Variants in NEK4 observed in about 807,000 individuals in gnomAD.
NEK4 encodes the protein serine/threonine-protein kinase Nek4.
Under a neutral mutation model 98.4 loss-of-function variants are expected in NEK4, and 86 were observed. The observed-to-expected ratio is 0.87, with a 90% confidence interval of 0.73 to 1.05. The LOEUF is 1.05. Ranked by LOEUF, NEK4 falls within the 50% of genes least tolerant of loss-of-function variation. NEK4 has a pLI of 0.00. For synonymous variants in NEK4, 328 were observed against 342.2 expected, an observed-to-expected ratio of 0.96 and a Z score of 0.46; for missense variants, 898 against 950.3, an observed-to-expected ratio of 0.94 and a Z score of 0.72.
intron 15 of NEK4, among the ~76,000 whole-genome samples, chr3:52,725,027 T>A (rs1283259863): frequency 6.6e-6 from 1 of 152,222 alleles, no homozygotes; most frequent in Non-Finnish European, 1.5e-5. Context: ...AAAGCTAGTA[T>A]TATTGTAACA....
At chr3:52,723,770 A>G (rs1404252992) in intron 15 of NEK4, among the ~76,000 whole-genome samples, 2 of 152,130 alleles carry the variant, frequency 1.3e-5, no homozygotes, top group Non-Finnish European at 2.9e-5. Flanking sequence ...GAAAGAGGAG[A>G]GAGAGGGGAT....
At chr3:52,753,527 T>G (rs1006448566) in intron 6 of NEK4, 2 of 489,712 alleles carry the variant, frequency 4.1e-6, no homozygotes, top group Non-Finnish European at 8.2e-6. Context: ...GTACACATTA[T>G]GTACTCTTTC....
intron 4 of NEK4, among the ~76,000 whole-genome samples, chr3:52,764,285 C>CAA (rs558340378): frequency 3.6e-4 from 31 of 85,180 alleles, no homozygotes; most frequent in African/African-American, 1.1e-3. Context: ...GACTCTGTCT[C>CAA]AAAAAAAAAA....
At chr3:52,714,192 T>C (rs961889797) in intron 15 of NEK4, among the ~76,000 whole-genome samples, 3 of 152,168 alleles carry the variant, frequency 2.0e-5, no homozygotes, top group African/African-American at 7.2e-5. Flanking sequence ...GCCGTGATCA[T>C]GCCACTGCAC....
At chr3:52,728,618 C>G (rs968012044) in intron 15 of NEK4, among the ~76,000 whole-genome samples, 14 of 152,062 alleles carry the variant, frequency 9.2e-5, no homozygotes, top group African/African-American at 3.4e-4. Flanking sequence ...TGAAAAAGAA[C>G]AGAATAACAG....
intron 15 of NEK4, among the ~76,000 whole-genome samples, chr3:52,729,957 A>C (rs2097368051): frequency 6.6e-6 from 1 of 151,708 alleles, no homozygotes; most frequent in Admixed American, 6.6e-5. Context: ...AAAATGCAAA[A>C]ATTAGCTGGG....
chr3:52,770,580 C>A, intron 1 of NEK4, 74 bp downstream of exon 1: 1 of 1,168,866 alleles, frequency 8.6e-7, no homozygotes, highest in Non-Finnish European at 1.2e-6. Context: ...CCACCCCCGA[C>A]CTAATCTACC....
intron 15 of NEK4, among the ~76,000 whole-genome samples, chr3:52,727,977 A>C (rs1675953375): frequency 6.6e-6 from 1 of 152,222 alleles, no homozygotes; most frequent in African/African-American, 2.4e-5. Flanking sequence ...CAATGACTGT[A>C]ATCTCAGCAC....
intron 7 of NEK4, among the ~76,000 whole-genome samples, chr3:52,751,373 G>A (rs1402310874): frequency 1.3e-5 from 2 of 151,714 alleles, no homozygotes; most frequent in Non-Finnish European, 2.9e-5. Flanking sequence ...GGAAAATGGT[G>A]TGAACCCGGG....
chr3:52,745,149 G>A (rs1298552160), intron 10 of NEK4, among the ~76,000 whole-genome samples: 1 of 151,904 alleles, frequency 6.6e-6, no homozygotes, highest in East Asian at 2.0e-4. Context: ...TCGATCTCCT[G>A]ACCTTGTGAT....
rs1297064398 is a variant in NEK4, at chr3:52,710,910, T to C, written c.*867A>G. On this transcript the variant is annotated 3_prime_UTR_variant, in exon 16 of 16. Transcript: ENST00000233027. ...GTATTACCTCTTATTAAACAACTAA[T>C]AAAATATGTGCTATATAATCATACA... The C allele has an allele frequency of 6.6e-6, 1 of 152,498 alleles. No individual in the cohort carries two copies. Among genetic ancestry groups the C allele is most frequent in the Non-Finnish European group, 1.5e-5 (1 of 68,022 alleles). The allele number at this position is 152,498 out of a possible 1,614,324, so 9.4% of individuals were successfully genotyped here. A position where few individuals can be genotyped will look rare whatever the true frequency, so the allele number is the denominator to read the frequency against.
chr3:52,728,543 T>C lies in NEK4; in HGVS notation c.2433+9043A>G, dbSNP rs565408994. ...CGTCACCTCAGGACTACCATGATAA[T>C]TGTGTTAACTGTACAAATTGATTGT... is the stretch of plus-strand genomic sequence containing the variant. On this transcript the variant is annotated intron_variant, in intron 15 of 15. Coordinates refer to ENST00000233027, the MANE Select transcript of NEK4 (RefSeq NM_003157.6). 4.6e-5 allele frequency among the ~76,000 whole-genome samples: 7 copies of C among 152,344 alleles called. No individual in the cohort carries two copies. The East Asian group carries it at 1.3e-3, about 29-fold the overall frequency.
chr3:52,721,960 G>A lies in NEK4; in HGVS notation c.2434-10091C>T, dbSNP rs552406555. 3.8e-4 allele frequency among the ~76,000 whole-genome samples: 58 copies of A among 152,328 alleles called. 1 individual carries two copies. Among genetic ancestry groups the A allele is most frequent in the Admixed American group, 3.3e-3 (51 of 15,300 alleles). On this transcript the variant is annotated intron_variant, in intron 15 of 15. Coordinates refer to ENST00000233027, the MANE Select transcript of NEK4 (RefSeq NM_003157.6). ...AGCCAAATCAGTCCGAAGGCTGAAAGACCAGACTGCTGGTCCTGGATGAAA... is the reference window on the plus strand; with the variant it reads ...AGCCAAATCAGTCCGAAGGCTGAAAAACCAGACTGCTGGTCCTGGATGAAA...
At chr3:52,728,573 CAT>C (rs1475574604) in intron 15 of NEK4, among the ~76,000 whole-genome samples, 8 of 152,182 alleles carry the variant, frequency 5.3e-5, no homozygotes, top group Non-Finnish European at 8.8e-5. Context: ...GATTGTAAAA[CAT>C]GTGTGTTTGA....
intron 6 of NEK4, chr3:52,753,712 T>C (rs2097409575): frequency 1.7e-6 from 1 of 571,438 alleles, no homozygotes; most frequent in Non-Finnish European, 3.5e-6. Flanking sequence ...AGTCAACAAA[T>C]GGCATGCATG....
rs1698543344 is a variant in NEK4 at position 52,765,993 on chromosome 3, G to A, written c.560C>T (p.Ser187Phe). 6.3e-7 allele frequency: 1 copy of A among 1,596,068 alleles called. No homozygotes were observed. Among genetic ancestry groups the A allele is most frequent in the Non-Finnish European group, 8.6e-7 (1 of 1,165,124 alleles). ...LFSNKPYNYK[S>F]DVWALGCCVY... ...ACAGCATCCTAGAGCCCAAACATCA[G>A]ACTAGAAAATAAAAACAGTAAACGG... The change falls in exon 4 of 16, where the codon TCT (serine) becomes TTT (phenylalanine). Residue 187 changes from serine (S) to phenylalanine (F), a missense_variant and splice_region_variant. By Grantham distance (155) the Ser-to-Phe change is radical. Transcript: ENST00000233027.
intron 15 of NEK4, among the ~76,000 whole-genome samples, chr3:52,720,241 G>A (rs566365492): frequency 5.3e-5 from 8 of 152,092 alleles, no homozygotes; most frequent in African/African-American, 1.9e-4. Context: ...ACACCACCAT[G>A]CCAAGAACCC....
intron 4 of NEK4, among the ~76,000 whole-genome samples, chr3:52,764,493 T>C (rs749017591): frequency 2.4e-4 from 36 of 150,870 alleles, no homozygotes; most frequent in Non-Finnish European, 4.3e-4. Flanking sequence ...TGGACGGGCG[T>C]GGTGGCGGGC....
At chr3:52,722,697 G>GT (rs545932710) in intron 15 of NEK4, among the ~76,000 whole-genome samples, 52 of 152,196 alleles carry the variant, frequency 3.4e-4, no homozygotes, top group Non-Finnish European at 5.9e-4. Context: ...GAGGCCAGGA[G>GT]TTTGAGAGTG....
Sources: allele counts gnomAD v4.1 joint callset (sites outside exome capture counted in the v4.1 genomes callset), GRCh38; gene constraint gnomAD v4.1.1; transcripts MANE v1.5; gene names NCBI Gene and HGNC (gene_info 2026-07-23, HGNC 2026-07-21).